The following SLC35F4 variants were observed in gnomAD, a reference collection of about 807,000 sequenced individuals.
The protein encoded by SLC35F4 is solute carrier family 35 member F4.
A neutral mutation model predicts 44.2 loss-of-function variants in SLC35F4; 24 were observed. The ratio of observed to expected loss-of-function variants is 0.54; its 90% CI spans 0.39 to 0.76. The LOEUF is 0.76. Ranked by LOEUF, SLC35F4 falls within the 30% of genes least tolerant of loss-of-function variation. The probability of loss-of-function intolerance (pLI) is 0.00; values close to 1 mark genes in which losing one functional copy is unlikely to be tolerated. For missense variants in SLC35F4, 562 were observed against 586.1 expected, an observed-to-expected ratio of 0.96 and a Z score of 0.42; for synonymous variants, 238 against 223.6, an observed-to-expected ratio of 1.06 and a Z score of -0.57.
chr14:57,589,420 C>A lies in SLC35F4; in HGVS notation c.383G>T (p.Gly128Val), dbSNP rs1203610285. 4 of 1,613,852 alleles carry A rather than the reference C, an allele frequency of 2.5e-6. No homozygotes were observed. The African/African-American group carries it at 4.0e-5, about 16-fold the overall frequency. Residue 128 changes from glycine to valine, a missense_variant, in exon 3 of 8, where the codon GGC becomes GTC. By Grantham distance (109) the Gly-to-Val change is moderately radical (BLOSUM62 -3). Transcript: ENST00000556826. Reference protein sequence around the residue: ...CLSCTSMVLKGIWGLLIILSV... With the variant: ...CLSCTSMVLKVIWGLLIILSV... Reference sequence around the variant, plus strand: ...CAAGATGATCAAGAGTCCCCAGATGCCCTTCAGAACCATGGACGTGCAGGA... The same window carrying A: ...CAAGATGATCAAGAGTCCCCAGATGACCTTCAGAACCATGGACGTGCAGGA...
intron 1 of SLC35F4, among the ~76,000 whole-genome samples, chr14:57,785,066 A>C (rs775786101): frequency 7.9e-5 from 12 of 152,226 alleles, no homozygotes. Context: ...ACAGTAGGCT[A>C]TTAGTGGTTA....
At chr14:57,977,587 C>T (rs1381640145) in intron 1 of SLC35F4, among the ~76,000 whole-genome samples, 1 of 152,188 alleles carries the variant, frequency 6.6e-6, no homozygotes, top group Non-Finnish European at 1.5e-5. Context: ...TACATTCATT[C>T]AGAATGGTAC....
chr14:57,922,294 T>A (rs544268763), intron 1 of SLC35F4, among the ~76,000 whole-genome samples: 1 of 152,192 alleles, frequency 6.6e-6, no homozygotes, highest in Non-Finnish European at 1.5e-5. Context: ...TTCAGCAGAA[T>A]CCATCTGAGA....
chr14:57,794,975 A>G (rs766007371), intron 1 of SLC35F4, among the ~76,000 whole-genome samples: 5 of 152,116 alleles, frequency 3.3e-5, no homozygotes, highest in Non-Finnish European at 7.4e-5. Context: ...TGCTCCATCA[A>G]TTATTACTTA....
In SLC35F4 at chr14:57,581,427, G is replaced by A; in HGVS notation, c.594C>T (p.Cys198=). ...KQSPMKKFRE[C]SRIFGEDGLT... is the part of the protein sequence containing the mutation. ...GACCATCTTCACCAAAAATCCGACT[G>A]CATTCCCTAGGAAAGAAAAGAGAAG... Residue 198 remains cysteine, a synonymous_variant, in exon 4 of 8, where the codon TGC becomes TGT. Coordinates refer to ENST00000556826, the MANE Select transcript of SLC35F4 (RefSeq NM_001306087.2). 1.9e-6 allele frequency: 3 copies of A among 1,607,916 alleles called. No individual in the cohort carries two copies. The highest frequency in any genetic ancestry group is 2.5e-6 in the Non-Finnish European group (3 of 1,176,904).
At chr14:57,689,182 C>A (rs1278562021) in intron 1 of SLC35F4, among the ~76,000 whole-genome samples, 1 of 152,114 alleles carries the variant, frequency 6.6e-6, no homozygotes, top group East Asian at 1.9e-4. Context: ...GTTGGCTTTT[C>A]CTATATTGTT....
At chr14:57,922,675 A>G (rs1027910263) in intron 1 of SLC35F4, among the ~76,000 whole-genome samples, 1 of 152,224 alleles carries the variant, frequency 6.6e-6, no homozygotes, top group African/African-American at 2.4e-5. Flanking sequence ...CAGACCAACT[A>G]TATTAAGCAC....
At chr14:57,926,727 G>A (rs76832591) in intron 1 of SLC35F4, among the ~76,000 whole-genome samples, 1 of 11,236 alleles carries the variant, frequency 8.9e-5, no homozygotes, top group Admixed American at 1.1e-3. Context: ...AGTAGGGTTG[G>A]GGGGGGGGGG....
chr14:57,637,523 C>T (rs4553530), intron 1 of SLC35F4, among the ~76,000 whole-genome samples: 90,848 of 151,868 alleles, frequency 0.6, 27,804 homozygotes, highest in Non-Finnish European at 0.67. Context: ...AAGAAACACA[C>T]GCAAATGTCC....
At chr14:57,650,116 G>A (rs2073724604) in intron 1 of SLC35F4, among the ~76,000 whole-genome samples, 1 of 152,018 alleles carries the variant, frequency 6.6e-6, no homozygotes, top group Non-Finnish European at 1.5e-5. Context: ...TATCATTAAT[G>A]TTGGAGCGCC....
At chr14:57,959,153 T>A (rs2141086614) in intron 1 of SLC35F4, among the ~76,000 whole-genome samples, 1 of 152,310 alleles carries the variant, frequency 6.6e-6, no homozygotes, top group Non-Finnish European at 1.5e-5. Flanking sequence ...TGAACAATAC[T>A]TTCATATTTT....
At chr14:57,583,179 T>G (rs927539) in intron 3 of SLC35F4, among the ~76,000 whole-genome samples, 3 of 151,482 alleles carry the variant, frequency 2.0e-5, no homozygotes, top group Non-Finnish European at 4.4e-5. Context: ...AACAGTCTCT[T>G]TGAAGCCCCA....
At chr14:57,756,189 T>A (rs896958177) in intron 1 of SLC35F4, among the ~76,000 whole-genome samples, 3 of 152,266 alleles carry the variant, frequency 2.0e-5, no homozygotes, top group African/African-American at 4.8e-5. Flanking sequence ...AAAGCTTTTT[T>A]AATATAAGCC....
At chr14:57,821,342 G>T (rs1230069704) in intron 1 of SLC35F4, among the ~76,000 whole-genome samples, 1 of 152,152 alleles carries the variant, frequency 6.6e-6, no homozygotes, top group African/African-American at 2.4e-5. Flanking sequence ...GGCTCTTTTG[G>T]CAAATAATGA....
At chr14:57,863,647 C>G (rs934662609) in intron 1 of SLC35F4, among the ~76,000 whole-genome samples, 1 of 152,168 alleles carries the variant, frequency 6.6e-6, no homozygotes, top group African/African-American at 2.4e-5. Flanking sequence ...CTAGTTGAAG[C>G]CTGCATTAGG....
At chr14:57,658,393 C>A (rs773160059) in intron 1 of SLC35F4, among the ~76,000 whole-genome samples, 27 of 152,258 alleles carry the variant, frequency 1.8e-4, no homozygotes, top group African/African-American at 6.5e-4. Context: ...TGTGTTGAAA[C>A]AACTTTTATT....
rs2072904235 is a variant in SLC35F4 at position 57,633,884 on chromosome 14, C to T, written c.104-39760G>A. On this transcript the variant is annotated intron_variant, in intron 1 of 7. Coordinates refer to ENST00000556826, the MANE Select transcript of SLC35F4 (RefSeq NM_001306087.2). Reference sequence around the variant, plus strand: ...TTCTTTTTATTGCGGAGTGGTATTCCATAGTATGAATCTACCATGGACAGA... The same window carrying T: ...TTCTTTTTATTGCGGAGTGGTATTCTATAGTATGAATCTACCATGGACAGA... 2.0e-5 allele frequency among the ~76,000 whole-genome samples: 3 copies of T among 151,964 alleles called. No individual in the cohort carries two copies. In the South Asian group the frequency reaches 6.2e-4, roughly 32 times the overall value.
At chr14:57,970,443 A>G (rs912677958) in intron 1 of SLC35F4, among the ~76,000 whole-genome samples, 1 of 152,166 alleles carries the variant, frequency 6.6e-6, no homozygotes, top group African/African-American at 2.4e-5. Context: ...TCAGCTCAGA[A>G]AGCCTGCATG....
intron 1 of SLC35F4, among the ~76,000 whole-genome samples, chr14:57,854,691 A>G (rs1273381296): frequency 6.6e-6 from 1 of 152,126 alleles, no homozygotes; most frequent in East Asian, 1.9e-4. Flanking sequence ...AGACATGTAG[A>G]CCCATTCTGC....
Sources: allele counts gnomAD v4.1 joint callset (sites outside exome capture counted in the v4.1 genomes callset), GRCh38; gene constraint gnomAD v4.1.1; transcripts MANE v1.5; gene names NCBI Gene and HGNC (gene_info 2026-07-23, HGNC 2026-07-21).